Variants in CLEC18B observed in about 807,000 individuals in gnomAD.
CLEC18B encodes mannose receptor-like 2.
Under a neutral mutation model 60.4 loss-of-function variants are expected in CLEC18B, and 5 were observed. The observed-to-expected ratio is 0.08, with a 90% CI of 0.04 to 0.17. CLEC18B has a LOEUF of 0.17. Ranked by LOEUF, CLEC18B falls within the 10% of genes least tolerant of loss-of-function variation. CLEC18B has a pLI of 1.00. For missense variants in CLEC18B, 26 were observed against 572.8 expected, an observed-to-expected ratio of 0.05 and a Z score of 9.74; for synonymous variants, 16 against 221.2, an observed-to-expected ratio of 0.07 and a Z score of 8.23.
At chr16:74,411,948 A>G in intron 7 of CLEC18B, 173 bp from the exon 8 acceptor site, 3 of 1,472,096 alleles carry the variant, frequency 2.0e-6, no homozygotes, top group Non-Finnish European at 1.9e-6. Context: ...GCTCTCTCTC[A>G]AAAGAAAAAA....
At chr16:74,421,928 G>A (rs2013704309), upstream of CLEC18B, 3 of 140,790 alleles carry the variant, frequency 2.1e-5, no homozygotes, top group Admixed American at 7.4e-5. Flanking sequence ...GCACCTGCAC[G>A]AGGAAAAGGG....
At chr16:74,414,937 CT>C (rs1317401154) in intron 3 of CLEC18B, among the ~76,000 whole-genome samples, 1 of 152,144 alleles carries the variant, frequency 6.6e-6, no homozygotes, top group African/African-American at 2.4e-5. Context: ...GTATCCAACA[CT>C]TAAAGAATAT....
chr16:74,419,573 G>A (rs1168156497), intron 2 of CLEC18B, among the ~76,000 whole-genome samples: 3 of 148,906 alleles, frequency 2.0e-5, no homozygotes, highest in African/African-American at 4.9e-5. Flanking sequence ...AACGACCACC[G>A]CAGCCCCTCC....
rs373903818 is a variant in CLEC18B, at chr16:74,418,043, C to T, written c.456+16G>A. Reference sequence around the variant, plus strand: ...TCTGGGAGCTGGCACGCTGGCCTCACCTGCAGCACACTCACCTGCGTGTAG... The same window carrying T: ...TCTGGGAGCTGGCACGCTGGCCTCATCTGCAGCACACTCACCTGCGTGTAG... On this transcript the variant is annotated intron_variant, in intron 3 of 11. Coordinates refer to ENST00000682950, the MANE Select transcript of CLEC18B (RefSeq NM_001385193.1). 7.2e-5 allele frequency: 115 copies of T among 1,606,718 alleles called. No individual in the cohort carries two copies. In the African/African-American group the frequency reaches 1.4e-3, roughly 19 times the overall value.
intron 2 of CLEC18B, among the ~76,000 whole-genome samples, chr16:74,420,054 G>A (rs1211429818): frequency 6.6e-6 from 1 of 152,268 alleles, no homozygotes; most frequent in African/African-American, 2.4e-5. Context: ...CCGTCCTAGT[G>A]GCTCAGATAA....
At chr16:74,420,079 G>A (rs2013610449) in intron 2 of CLEC18B, among the ~76,000 whole-genome samples, 2 of 152,236 alleles carry the variant, frequency 1.3e-5, no homozygotes, top group Admixed American at 6.5e-5. Flanking sequence ...AGGAGGAGGC[G>A]CTGGGTCCTT....
chr16:74,417,810 C>A (rs2013481601), intron 3 of CLEC18B, among the ~76,000 whole-genome samples: 1 of 151,546 alleles, frequency 6.6e-6, no homozygotes, highest in South Asian at 2.1e-4. Flanking sequence ...CCCAGCTAGT[C>A]AGGAGGCTGA....
intron 3 of CLEC18B, among the ~76,000 whole-genome samples, chr16:74,417,141 T>C (rs562508809): frequency 4.7e-5 from 7 of 148,232 alleles, no homozygotes; most frequent in East Asian, 4.7e-4. Context: ...GGCTCGTGCC[T>C]GTAGTCCCAG....
chr16:74,413,815 G>A, intron 3 of CLEC18B, 139 bp from the exon 4 acceptor site: 1 of 1,412,930 alleles, frequency 7.1e-7, no homozygotes. Flanking sequence ...TCCTGGGCAG[G>A]GGTAGAAGCA....
chr16:74,424,115 A>C (rs2013761815), upstream of CLEC18B, among the ~76,000 whole-genome samples: 1 of 152,150 alleles, frequency 6.6e-6, no homozygotes, highest in Non-Finnish European at 1.5e-5. Context: ...GTCTCTATCT[A>C]TCCCACCCCT....
chr16:74,422,756 T>G (rs2013731433), upstream of CLEC18B, among the ~76,000 whole-genome samples: 1 of 152,198 alleles, frequency 6.6e-6, no homozygotes, highest in Non-Finnish European at 1.5e-5. Context: ...CCTTGACCTC[T>G]TGGGCCCAAG....
chr16:74,418,729 T>G (rs1181754391), intron 2 of CLEC18B, among the ~76,000 whole-genome samples: 1 of 152,152 alleles, frequency 6.6e-6, no homozygotes, highest in Non-Finnish European at 1.5e-5. Context: ...TCTGCCCTAG[T>G]CTCCTGCCCC....
rs142385474 is a variant in CLEC18B, at chr16:74,413,127, T to G, written c.586A>C (p.Ile196Leu). Reference sequence around the variant, plus strand: ...CACCAGGCACCCTTCTTATAGGGGATGATTGTCTTCCCGTTGACCTCCCAG... The same window carrying G: ...CACCAGGCACCCTTCTTATAGGGGAGGATTGTCTTCCCGTTGACCTCCCAG... The part of the protein sequence containing the change: ...GNWEVNGKTI[I>L]PYKKGAWCSL... Residue 196 changes from isoleucine to leucine, a missense_variant, in exon 5 of 12, where the codon ATC (isoleucine) becomes CTC (leucine). Physicochemically the swap from Ile to Leu is conservative, Grantham distance 5. Transcript: ENST00000682950. 1 of 1,610,882 alleles carries G rather than the reference T, an allele frequency of 6.2e-7. No individual in the cohort carries two copies. The highest frequency in any genetic ancestry group is 8.5e-7 in the Non-Finnish European group (1 of 1,179,636).
chr16:74,418,862 C>T (rs527562468), intron 2 of CLEC18B, among the ~76,000 whole-genome samples: 165 of 150,494 alleles, frequency 1.1e-3, no homozygotes, highest in African/African-American at 3.4e-3. Flanking sequence ...GGAGAAATCC[C>T]GGCTTACTGC....
At chr16:74,422,466 A>G (rs575845098), upstream of CLEC18B, 31 of 150,974 alleles carry the variant, frequency 2.1e-4, no homozygotes, top group East Asian at 5.9e-3. Context: ...TCCTGGGGAA[A>G]CACCAGTGGA....
intron 2 of CLEC18B, among the ~76,000 whole-genome samples, chr16:74,419,971 C>A (rs1359235743): frequency 1.8e-3 from 274 of 152,204 alleles, no homozygotes; most frequent in Non-Finnish European, 3.6e-3. Context: ...GAACTCTATA[C>A]CCCCGACCCC....
At position 74,409,544 on chromosome 16, in the gene CLEC18B, C is replaced by G. The variant is rs1366076531; in HGVS notation, c.1303+6G>C. On this transcript the variant is annotated splice_donor_region_variant and intron_variant, in intron 11 of 11. Coordinates refer to ENST00000682950, the MANE Select transcript of CLEC18B (RefSeq NM_001385193.1). ...CAGAGAAGGGGAGCCTCAGGAAGTC[C>G]CTCACCAAACTGGCAGATGTAACGG... 2 of 1,610,874 alleles carry G rather than the reference C, an allele frequency of 1.2e-6. No homozygotes were observed. The highest frequency in any genetic ancestry group is 1.3e-5 in the African/African-American group (1 of 74,234).
chr16:74,416,241 C>A (rs923566657), intron 3 of CLEC18B, among the ~76,000 whole-genome samples: 7 of 141,660 alleles, frequency 4.9e-5, no homozygotes, highest in African/African-American at 1.8e-4. Flanking sequence ...GCAGCCTGCG[C>A]GACAGAGCGA....
chr16:74,421,750 C>T (rs4022152), upstream of CLEC18B: 433 of 204,540 alleles, frequency 2.1e-3, 4 homozygotes, highest in African/African-American at 9.2e-3. Flanking sequence ...AGGAGGACCT[C>T]GGCTATGGTC....
Sources: gnomAD v4.1 joint callset for allele counts (sites outside exome capture counted in the v4.1 genomes callset) on GRCh38, gnomAD v4.1.1 for gene constraint, MANE v1.5 for transcripts, NCBI Gene and HGNC (gene_info 2026-07-23, HGNC 2026-07-21) for gene names.